Variants in PTPRM observed in about 807,000 individuals in gnomAD.
The protein encoded by PTPRM is receptor-type tyrosine-protein phosphatase mu.
PTPRM carries 47 observed loss-of-function variants against 186.7 expected under a neutral mutation model. That is an observed-to-expected ratio of 0.25 (90% CI 0.20 to 0.32). The LOEUF is 0.32. PTPRM is among the 10% of genes least tolerant of loss of function. The probability of loss-of-function intolerance (pLI) is 1.00; values close to 1 mark genes in which losing one functional copy is unlikely to be tolerated. For synonymous variants in PTPRM, 668 were observed against 674.9 expected (o/e 0.99, Z 0.16); for missense variants, 1,494 against 1,865.0 (o/e 0.80, Z 3.66).
intron 1 of PTPRM, among the ~76,000 whole-genome samples, chr18:7,633,719 C>T (rs764279699): frequency 1.3e-5 from 2 of 152,174 alleles, no homozygotes; most frequent in Non-Finnish European, 2.9e-5. Context: ...TCCTCCGCAT[C>T]GCAGGAAAGG....
At chr18:7,987,324 T>C (rs1405783766) in intron 7 of PTPRM, among the ~76,000 whole-genome samples, 7 of 152,316 alleles carry the variant, frequency 4.6e-5, no homozygotes, top group East Asian at 3.9e-4. Context: ...ATGATGTTAG[T>C]GGGTTGAAGC....
intron 9 of PTPRM, among the ~76,000 whole-genome samples, chr18:8,077,868 A>G (rs996558439): frequency 2.6e-5 from 4 of 152,192 alleles, no homozygotes; most frequent in Non-Finnish European, 5.9e-5. Flanking sequence ...CCTACAAGAG[A>G]TATATCTCTG....
At chr18:7,574,645 C>G (rs2036641589) in intron 1 of PTPRM, among the ~76,000 whole-genome samples, 1 of 152,130 alleles carries the variant, frequency 6.6e-6, no homozygotes, top group African/African-American at 2.4e-5. Context: ...CAGGAGAGAA[C>G]TGGAAGTTAG....
At chr18:7,835,511 T>G (rs184595444) in intron 2 of PTPRM, among the ~76,000 whole-genome samples, 3 of 152,228 alleles carry the variant, frequency 2.0e-5, no homozygotes, top group Non-Finnish European at 4.4e-5. Flanking sequence ...GGTCTCTCCT[T>G]GAGAATGATC....
At position 8,040,356 on chromosome 18, in the gene PTPRM, A is replaced by G. The variant is rs142115638; in HGVS notation, c.1133-29330A>G. 4.4e-3 allele frequency among the ~76,000 whole-genome samples: 671 copies of G among 152,162 alleles called. 2 individuals carry two copies. Among genetic ancestry groups the G allele is most frequent in the African/African-American group, 0.016 (646 of 41,512 alleles). ...GGGCACTAATCCTGCTTCCTGTAGG[A>G]TGGTTGGGTATGACAAAGTGTAAGG... On this transcript the variant is annotated intron_variant, in intron 7 of 32. Coordinates refer to ENST00000580170, the MANE Select transcript of PTPRM (RefSeq NM_001105244.2).
intron 7 of PTPRM, among the ~76,000 whole-genome samples, chr18:8,040,546 G>A (rs2086629153): frequency 6.6e-6 from 1 of 152,172 alleles, no homozygotes; most frequent in Non-Finnish European, 1.5e-5. Flanking sequence ...ATTTTTATGT[G>A]AGGAACTAGA....
intron 1 of PTPRM, among the ~76,000 whole-genome samples, chr18:7,716,836 T>G (rs1448847330): frequency 6.6e-6 from 1 of 152,120 alleles, no homozygotes; most frequent in Non-Finnish European, 1.5e-5. Context: ...TAACAGATGC[T>G]GGAGAGAATG....
chr18:7,972,496 G>C (rs1423541391), intron 7 of PTPRM, among the ~76,000 whole-genome samples: 1 of 94,320 alleles, frequency 1.1e-5, no homozygotes, highest in African/African-American at 4.5e-5. Context: ...AAAAAAAAAG[G>C]AGAGAAACAT....
intron 8 of PTPRM, among the ~76,000 whole-genome samples, chr18:8,071,075 C>G (rs1055045062): frequency 2.6e-5 from 4 of 152,184 alleles, no homozygotes; most frequent in African/African-American, 9.6e-5. Flanking sequence ...TTTCTTTCCT[C>G]TTTTATTGTC....
chr18:7,775,720 G>A (rs2042549605), intron 2 of PTPRM, among the ~76,000 whole-genome samples: 1 of 152,114 alleles, frequency 6.6e-6, no homozygotes, highest in Admixed American at 6.5e-5. Flanking sequence ...TTCACATTAG[G>A]TAGTTGACTT....
At chr18:7,711,421 C>T (rs1408893855) in intron 1 of PTPRM, among the ~76,000 whole-genome samples, 4 of 152,180 alleles carry the variant, frequency 2.6e-5, no homozygotes, top group East Asian at 1.9e-4. Flanking sequence ...GGGCAGACAC[C>T]GAGCTAGCTG....
intron 1 of PTPRM, among the ~76,000 whole-genome samples, chr18:7,768,560 T>C (rs1276604970): frequency 1.3e-5 from 2 of 152,044 alleles, no homozygotes; most frequent in Non-Finnish European, 2.9e-5. Flanking sequence ...CTACCTGCAG[T>C]TTTTAGTTGG....
At chr18:8,135,359 C>T (rs2092614088) in intron 13 of PTPRM, among the ~76,000 whole-genome samples, 1 of 152,050 alleles carries the variant, frequency 6.6e-6, no homozygotes, top group Non-Finnish European at 1.5e-5. Context: ...TCTCATTTTG[C>T]CATAGTCTGA....
At chr18:8,269,363 T>C (rs1435928614) in intron 19 of PTPRM, among the ~76,000 whole-genome samples, 1 of 151,858 alleles carries the variant, frequency 6.6e-6, no homozygotes, top group Non-Finnish European at 1.5e-5. Context: ...CACTGGAAAC[T>C]AGAAAACATT....
intron 1 of PTPRM, among the ~76,000 whole-genome samples, chr18:7,726,895 A>G (rs2040560970): frequency 6.6e-6 from 1 of 152,256 alleles, no homozygotes; most frequent in Non-Finnish European, 1.5e-5. Flanking sequence ...ATAATAGATC[A>G]AAGTCAGAGA....
rs750249974 is a variant in PTPRM at position 7,567,791 on chromosome 18, G to C, written c.-28G>C. 3 of 1,514,542 alleles carry C rather than the reference G, an allele frequency of 2.0e-6. No individual in the cohort carries two copies. Among genetic ancestry groups the C allele is most frequent in the Non-Finnish European group, 2.6e-6 (3 of 1,138,482 alleles). The allele number at this position is 1,514,542 out of a possible 1,614,324, so 93.8% of individuals were successfully genotyped here. On this transcript the variant is annotated 5_prime_UTR_variant, in exon 1 of 33. Transcript: ENST00000580170. The surrounding 1 kb of genome is among the most constrained non-coding windows in gnomAD (Gnocchi z 4.3). Reference sequence around the variant, plus strand: ...CTCGCGCGCCCACCCACCGCCGCCGGGGAGCGGCCCGGCCCGCACTCAGCA... The same window carrying C: ...CTCGCGCGCCCACCCACCGCCGCCGCGGAGCGGCCCGGCCCGCACTCAGCA...
intron 1 of PTPRM, among the ~76,000 whole-genome samples, chr18:7,599,459 A>G (rs2037346373): frequency 6.6e-6 from 1 of 152,322 alleles, no homozygotes; most frequent in East Asian, 1.9e-4. Flanking sequence ...TACTATATGG[A>G]AATTCCACTA....
intron 14 of PTPRM, among the ~76,000 whole-genome samples, chr18:8,148,857 T>A (rs369879939): frequency 6.6e-6 from 1 of 152,220 alleles, no homozygotes; most frequent in Non-Finnish European, 1.5e-5. Flanking sequence ...TGTGTCTTCA[T>A]TCTCATTGGT....
rs1418244870 is a variant in PTPRM at position 7,949,178 on chromosome 18, C to T, written c.664-3C>T. ...TTTGTCCTCCCCACCCCACTTGATA[C>T]AGGGCATTGATGTGCGAGATGCTCC... On this transcript the variant is annotated splice_region_variant and splice_polypyrimidine_tract_variant and intron_variant, in intron 5 of 32. Coordinates refer to ENST00000580170, the MANE Select transcript of PTPRM (RefSeq NM_001105244.2). 1 of 1,594,898 alleles carries T rather than the reference C, an allele frequency of 6.3e-7. No homozygotes were observed. The highest frequency in any genetic ancestry group is 1.1e-5 in the South Asian group (1 of 89,796).
Sources: gnomAD v4.1 joint callset for allele counts (sites outside exome capture counted in the v4.1 genomes callset) on GRCh38, gnomAD v4.1.1 for gene constraint, Gnocchi (gnomAD v3.1) non-coding constraint, MANE v1.5 for transcripts, NCBI Gene and HGNC (gene_info 2026-07-23, HGNC 2026-07-21) for gene names.